Variants in UPP2 observed in about 807,000 individuals in gnomAD.
UPP2 encodes uridine phosphorylase 2, also known as UPase 2.
Under a neutral mutation model 26.7 loss-of-function variants are expected in UPP2, and 23 were observed. That is an observed-to-expected ratio of 0.86 (90% CI 0.62 to 1.22). The LOEUF (loss-of-function observed/expected upper bound fraction) is 1.22. Ranked by LOEUF, UPP2 falls within the 50% of genes most tolerant of loss-of-function variation. The probability of loss-of-function intolerance (pLI) is 0.00; values close to 1 mark genes in which losing one functional copy is unlikely to be tolerated. For synonymous variants in UPP2, 127 were observed against 141.3 expected, an observed-to-expected ratio of 0.90 and a Z score of 0.72; for missense variants, 387 against 396.7, an observed-to-expected ratio of 0.98 and a Z score of 0.21.
intron 2 of UPP2, among the ~76,000 whole-genome samples, chr2:158,000,597 C>G (rs1367553559): frequency 2.6e-5 from 4 of 152,176 alleles, no homozygotes; most frequent in Non-Finnish European, 5.9e-5. Context: ...GAAAGGTGGC[C>G]TGAAGCAATG....
chr2:158,021,856 T>C (rs1347768312), intron 3 of UPP2, among the ~76,000 whole-genome samples: 3 of 152,202 alleles, frequency 2.0e-5, no homozygotes, highest in African/African-American at 7.2e-5. Flanking sequence ...TTAAATTATT[T>C]ATCTCTATGA....
intron 3 of UPP2, among the ~76,000 whole-genome samples, chr2:158,072,714 G>A (rs1011911986): frequency 6.6e-5 from 10 of 152,166 alleles, no homozygotes; most frequent in Admixed American, 3.9e-4. Flanking sequence ...AAGAGAACAA[G>A]AATTCTGCCT....
intron 2 of UPP2, among the ~76,000 whole-genome samples, chr2:157,999,041 AT>A (rs1423053608): frequency 1.3e-5 from 2 of 152,098 alleles, no homozygotes; most frequent in East Asian, 3.9e-4. Context: ...TGTGTGTTTC[AT>A]TTTGAGTAGT....
At chr2:158,030,306 G>A (rs560493797) in intron 3 of UPP2, among the ~76,000 whole-genome samples, 145 of 152,276 alleles carry the variant, frequency 9.5e-4, no homozygotes, top group South Asian at 9.1e-3. Flanking sequence ...ATATCAACAA[G>A]TAATTTAATT....
intron 3 of UPP2, among the ~76,000 whole-genome samples, chr2:158,023,983 T>A (rs1683796408): frequency 1.3e-5 from 2 of 152,184 alleles, no homozygotes; most frequent in African/African-American, 2.4e-5. Context: ...ATGTTAGGTC[T>A]CCAGTTTCTT....
At chr2:158,008,609 G>A (rs371539313) in intron 2 of UPP2, among the ~76,000 whole-genome samples, 4 of 152,150 alleles carry the variant, frequency 2.6e-5, no homozygotes, top group African/African-American at 9.7e-5. Flanking sequence ...CTTTCCTACT[G>A]TAAGATTAGC....
chr2:158,021,420 G>A (rs1206121140), intron 3 of UPP2, among the ~76,000 whole-genome samples: 1 of 152,176 alleles, frequency 6.6e-6, no homozygotes, highest in Non-Finnish European at 1.5e-5. Flanking sequence ...AATCCCATAT[G>A]GTGTCAACAG....
chr2:158,127,975 TTTAA>T, intron 6 of UPP2: 1 of 985,258 alleles, frequency 1.0e-6, no homozygotes, highest in Non-Finnish European at 1.2e-6. Context: ...CAAAATCTAC[TTTAA>T]TTAAGCCCCA....
intron 3 of UPP2, among the ~76,000 whole-genome samples, chr2:158,037,099 G>A (rs189940604): frequency 6.6e-6 from 1 of 152,310 alleles, no homozygotes; most frequent in East Asian, 1.9e-4. Context: ...CCTTGGCTGG[G>A]TGTGGTGGCT....
At chr2:158,050,366 A>G (rs1416792877) in intron 3 of UPP2, among the ~76,000 whole-genome samples, 5 of 151,888 alleles carry the variant, frequency 3.3e-5, no homozygotes, top group Non-Finnish European at 7.3e-5. Flanking sequence ...TTTGGCTCCA[A>G]TGTATTTACA....
intron 3 of UPP2, among the ~76,000 whole-genome samples, chr2:158,042,716 C>A (rs980279390): frequency 1.3e-5 from 2 of 152,140 alleles, no homozygotes; most frequent in African/African-American, 2.4e-5. Flanking sequence ...GAGAGGAAGG[C>A]CTTTTTGAAT....
chr2:158,067,720 A>G (rs1682460983), intron 3 of UPP2, among the ~76,000 whole-genome samples: 1 of 152,172 alleles, frequency 6.6e-6, no homozygotes, highest in Non-Finnish European at 1.5e-5. Context: ...TTATTTACCT[A>G]TAATTTCAGT....
intron 3 of UPP2, among the ~76,000 whole-genome samples, chr2:158,082,161 G>A (rs1179966758): frequency 6.6e-6 from 1 of 152,080 alleles, no homozygotes; most frequent in East Asian, 1.9e-4. Context: ...TGTTGGCCAG[G>A]CTGGTCTCGA....
At chr2:158,104,434 T>C (rs533548868) in intron 1 of UPP2, among the ~76,000 whole-genome samples, 19 of 147,212 alleles carry the variant, frequency 1.3e-4, no homozygotes, top group African/African-American at 4.9e-4. Context: ...TTTGAGATTT[T>C]AAAAATACTT....
intron 3 of UPP2, among the ~76,000 whole-genome samples, chr2:158,028,031 T>C (rs1046487849): frequency 6.6e-5 from 10 of 152,206 alleles, no homozygotes; most frequent in Non-Finnish European, 1.0e-4. Flanking sequence ...TCTGGGCCTG[T>C]GTTGGGAGGG....
chr2:158,049,725 A>G (rs967763257), intron 3 of UPP2, among the ~76,000 whole-genome samples: 1 of 152,208 alleles, frequency 6.6e-6, no homozygotes, highest in Non-Finnish European at 1.5e-5. Context: ...ATTTTAAAAG[A>G]TCTCAGTCTG....
chr2:158,114,975 C>T lies in UPP2; in HGVS notation c.181-126C>T, dbSNP rs1011605231. On this transcript the variant is annotated intron_variant, in intron 2 of 6. Transcript: ENST00000005756. Reference sequence around the variant, plus strand: ...AATTAGCTAATTCATGGAACATAAACCATGACATCTACACGTGTTCTTAAG... The same window carrying T: ...AATTAGCTAATTCATGGAACATAAATCATGACATCTACACGTGTTCTTAAG... The T allele has an allele frequency of 7.9e-6, 7 of 882,056 alleles. No individual in the cohort carries two copies. In the African/African-American group the frequency reaches 1.0e-4, roughly 13 times the overall value. The allele number at this position is 882,056 out of a possible 1,614,324, so 54.6% of individuals were successfully genotyped here. A position where few individuals can be genotyped will look rare whatever the true frequency, so the allele number is the denominator to read the frequency against.
chr2:158,108,649 G>A (rs1005845793), intron 2 of UPP2, among the ~76,000 whole-genome samples: 13 of 151,758 alleles, frequency 8.6e-5, no homozygotes, highest in African/African-American at 3.1e-4. Flanking sequence ...GTCTCATCTC[G>A]GTTATAATCC....
intron 3 of UPP2, among the ~76,000 whole-genome samples, chr2:158,074,571 A>G (rs1437474618): frequency 6.6e-6 from 1 of 152,096 alleles, no homozygotes; most frequent in Non-Finnish European, 1.5e-5. Flanking sequence ...CTTCAAATTT[A>G]AAAACATAGT....
Sources: allele counts gnomAD v4.1 joint callset (sites outside exome capture counted in the v4.1 genomes callset), GRCh38; gene constraint gnomAD v4.1.1; transcripts MANE v1.5; gene names NCBI Gene and HGNC (gene_info 2026-07-23, HGNC 2026-07-21).